The following SNAP23 variants were observed in gnomAD, a reference collection of about 807,000 sequenced individuals.
SNAP23 encodes the protein synaptosome associated protein 23.
In SNAP23, 11 loss-of-function variants were observed where a neutral mutation model predicts 29.0. The ratio of observed to expected loss-of-function variants is 0.38; its 90% CI spans 0.24 to 0.63. SNAP23 has a LOEUF of 0.63. Among genes scored for constraint, SNAP23 ranks in the 20% least tolerant of loss-of-function variants. The pLI, the probability that SNAP23 is intolerant of heterozygous loss-of-function variation, is 0.58. For missense variants in SNAP23, 220 were observed against 253.9 expected (o/e 0.87, Z 0.91); for synonymous variants, 60 against 82.9 (o/e 0.72, Z 1.50).
At chr15:42,496,120 G>A (rs1423719803) in intron 1 of SNAP23, among the ~76,000 whole-genome samples, 1 of 152,148 alleles carries the variant, frequency 6.6e-6, no homozygotes, top group East Asian at 1.9e-4. Flanking sequence ...TCTCTAGAAA[G>A]GTTCAGCCTT....
intron 1 of SNAP23, among the ~76,000 whole-genome samples, chr15:42,498,698 C>A (rs1486447020): frequency 1.3e-5 from 2 of 152,166 alleles, no homozygotes; most frequent in African/African-American, 4.8e-5. Context: ...CTTCTCTTTG[C>A]TTTATAAATT....
At chr15:42,514,467 A>T (rs544677320) in intron 4 of SNAP23, among the ~76,000 whole-genome samples, 7 of 152,098 alleles carry the variant, frequency 4.6e-5, no homozygotes, top group Non-Finnish European at 7.4e-5. Context: ...TGATATTCTT[A>T]CATCATCCTC....
At chr15:42,531,128 C>T (rs1388154362) in intron 7 of SNAP23, among the ~76,000 whole-genome samples, 2 of 152,182 alleles carry the variant, frequency 1.3e-5, no homozygotes, top group African/African-American at 4.8e-5. Context: ...CCATTGATTA[C>T]AGGATGCATC....
At chr15:42,506,147 T>G (rs1185787372) in intron 1 of SNAP23, among the ~76,000 whole-genome samples, 4 of 151,392 alleles carry the variant, frequency 2.6e-5, no homozygotes, top group Non-Finnish European at 5.9e-5. Context: ...GGTTTCACCA[T>G]TTTGGCAATG....
At chr15:42,497,653 C>T (rs1181846571) in intron 1 of SNAP23, among the ~76,000 whole-genome samples, 3 of 152,200 alleles carry the variant, frequency 2.0e-5, no homozygotes, top group Non-Finnish European at 4.4e-5. Context: ...TCCCTGGCCC[C>T]TTTCAAATCT....
chr15:42,502,865 T>C (rs1010561021), intron 1 of SNAP23, among the ~76,000 whole-genome samples: 2 of 152,240 alleles, frequency 1.3e-5, no homozygotes, highest in African/African-American at 4.8e-5. Context: ...AGTAGAATTG[T>C]GGAAGTTCCT....
upstream of SNAP23, among the ~76,000 whole-genome samples, chr15:42,492,462 G>T (rs1261176341): frequency 6.6e-6 from 1 of 151,758 alleles, no homozygotes; most frequent in Non-Finnish European, 1.5e-5. Context: ...GGCAGATCAT[G>T]AGGTCCAGAG....
chr15:42,504,665 CA>C (rs1229255556), intron 1 of SNAP23, among the ~76,000 whole-genome samples: 3 of 137,106 alleles, frequency 2.2e-5, no homozygotes, highest in Non-Finnish European at 4.9e-5. Flanking sequence ...TTAATCTTCA[CA>C]AAAAAAACAA....
intron 3 of SNAP23, 141 bp downstream of exon 3, chr15:42,513,137 T>C (rs1430626188): frequency 1.0e-5 from 8 of 780,746 alleles, no homozygotes; most frequent in African/African-American, 3.4e-5. Context: ...TGTCAAACCA[T>C]GCACTAATGG....
intron 1 of SNAP23, among the ~76,000 whole-genome samples, chr15:42,501,248 T>TAC (rs1022285673): frequency 6.6e-6 from 1 of 152,176 alleles, no homozygotes; most frequent in African/African-American, 2.4e-5. Context: ...CCTCCATACA[T>TAC]ACACACACAC....
In SNAP23 at chr15:42,525,166, G is replaced by C. The variant is rs1261825183; in HGVS notation, c.267-3096G>C. Among the ~76,000 whole-genome samples, 20 of 152,050 alleles carry C rather than the reference G, an allele frequency of 1.3e-4. 1 individual carries two copies. The highest frequency in any genetic ancestry group is 1.1e-3 in the Admixed American group (17 of 15,276). On this transcript the variant is annotated intron_variant, in intron 5 of 7. Transcript: ENST00000249647. ...GCGGATCACGAGGTCAGGAGATCGA[G>C]ACCATCCCTGGCTAACACGGTGAAA...
chr15:42,496,770 AG>A (rs1043904202), intron 1 of SNAP23, among the ~76,000 whole-genome samples: 53 of 152,212 alleles, frequency 3.5e-4, no homozygotes, highest in African/African-American at 1.2e-3. Flanking sequence ...TTATAAAGGA[AG>A]GAAGTTTAAT....
chr15:42,507,262 A>T lies in SNAP23; in HGVS notation c.-14-4571A>T, dbSNP rs567636917. 8.8e-4 allele frequency among the ~76,000 whole-genome samples: 134 copies of T among 152,346 alleles called. 1 individual carries two copies. Among genetic ancestry groups the T allele is most frequent in the African/African-American group, 3.1e-3 (129 of 41,576 alleles). On this transcript the variant is annotated intron_variant, in intron 1 of 7. Transcript: ENST00000249647. ...TTAGTTTCTCCATCTGTAAAATAGT[A>T]TAATGAAGATAATGATGTAGATAAA...
chr15:42,503,675 T>C (rs2141508365), intron 1 of SNAP23, among the ~76,000 whole-genome samples: 1 of 151,900 alleles, frequency 6.6e-6, no homozygotes, highest in East Asian at 1.9e-4. Flanking sequence ...CGGCCTTTGG[T>C]ATTTTTTAGT....
chr15:42,521,049 A>G (rs1174025143), intron 5 of SNAP23, among the ~76,000 whole-genome samples: 1 of 152,190 alleles, frequency 6.6e-6, no homozygotes, highest in African/African-American at 2.4e-5. Flanking sequence ...TGCTCACTGG[A>G]GACACAAATA....
intron 1 of SNAP23, among the ~76,000 whole-genome samples, chr15:42,502,141 C>T (rs917583649): frequency 1.1e-4 from 16 of 151,626 alleles, no homozygotes; most frequent in Admixed American, 7.2e-4. Context: ...CATTCTCCTG[C>T]CTCAGCCTCC....
intron 1 of SNAP23, among the ~76,000 whole-genome samples, chr15:42,499,361 C>T (rs779604046): frequency 3.1e-4 from 47 of 152,274 alleles, no homozygotes; most frequent in Middle Eastern, 3.4e-3. Context: ...CGTGAGCCAC[C>T]GCGCCCGGTC....
intron 6 of SNAP23, 98 bp from the exon 7 acceptor site, chr15:42,529,577 C>A: frequency 1.6e-6 from 2 of 1,242,436 alleles, no homozygotes; most frequent in Non-Finnish European, 1.1e-6. Context: ...CTTATACTTG[C>A]TGAGAGTCAT....
chr15:42,521,583 T>C (rs558095091), intron 5 of SNAP23: 1 of 1,531,666 alleles, frequency 6.5e-7, no homozygotes, highest in Non-Finnish European at 8.7e-7. Flanking sequence ...ACCTAATCTC[T>C]TCCTTTCTAA....
Sources: gnomAD v4.1 joint callset for allele counts (sites outside exome capture counted in the v4.1 genomes callset) on GRCh38, gnomAD v4.1.1 for gene constraint, MANE v1.5 for transcripts, NCBI Gene and HGNC (gene_info 2026-07-23, HGNC 2026-07-21) for gene names.